The following CDK14 variants were observed in gnomAD, a reference collection of about 807,000 sequenced individuals.
CDK14 encodes the protein cyclin-dependent kinase 14.
A neutral mutation model predicts 60.7 loss-of-function variants in CDK14; 34 were observed. That is an observed-to-expected ratio of 0.56 (90% CI 0.43 to 0.75). The LOEUF (loss-of-function observed/expected upper bound fraction) is 0.75. CDK14 is among the 30% of genes least tolerant of loss of function. CDK14 has a pLI of 0.00. For synonymous variants in CDK14, 197 were observed against 203.7 expected (o/e 0.97, Z 0.28); for missense variants, 482 against 564.1 (o/e 0.85, Z 1.47).
At chr7:90,950,408 A>G (rs987830292) in intron 8 of CDK14, among the ~76,000 whole-genome samples, 1 of 152,180 alleles carries the variant, frequency 6.6e-6, no homozygotes, top group Non-Finnish European at 1.5e-5. Flanking sequence ...TAGATCATTT[A>G]TTGTCTATAT....
chr7:90,929,338 G>A (rs1793520591), intron 8 of CDK14, among the ~76,000 whole-genome samples: 1 of 152,086 alleles, frequency 6.6e-6, no homozygotes. Context: ...CGGCCATCTT[G>A]GAACCTCTGG....
intron 14 of CDK14, among the ~76,000 whole-genome samples, chr7:91,140,983 T>C (rs77202847): frequency 0.019 from 2,854 of 152,162 alleles, 81 homozygotes; most frequent in African/African-American, 0.063. Flanking sequence ...TACATAACCA[T>C]GACAGAAGGA....
intron 12 of CDK14, among the ~76,000 whole-genome samples, chr7:91,096,065 CAAAAAA>C (rs112016367): frequency 3.9e-4 from 25 of 64,552 alleles, no homozygotes; most frequent in East Asian, 1.1e-3. Flanking sequence ...CACAATTTGC[CAAAAAA>C]AAAAAAAAAA....
intron 3 of CDK14, among the ~76,000 whole-genome samples, chr7:90,734,425 C>T (rs939868121): frequency 2.0e-5 from 3 of 152,172 alleles, no homozygotes; most frequent in African/African-American, 7.2e-5. Flanking sequence ...GTTCTATTCT[C>T]CCCGTCACTT....
chr7:90,774,916 A>C (rs943392010), intron 4 of CDK14, among the ~76,000 whole-genome samples: 1 of 152,210 alleles, frequency 6.6e-6, no homozygotes, highest in Admixed American at 6.5e-5. Context: ...TGAATGCGAC[A>C]TGCAAAATCT....
intron 6 of CDK14, among the ~76,000 whole-genome samples, chr7:90,872,756 C>T (rs1791414088): frequency 6.6e-6 from 1 of 152,154 alleles, no homozygotes; most frequent in South Asian, 2.1e-4. Context: ...GTATTTAATT[C>T]ACATGGTCTA....
At chr7:90,882,844 T>C (rs1045419866) in intron 6 of CDK14, among the ~76,000 whole-genome samples, 27 of 152,182 alleles carry the variant, frequency 1.8e-4, no homozygotes, top group African/African-American at 6.5e-4. Context: ...GAATGACTCC[T>C]GGGTAAATAA....
intron 14 of CDK14, among the ~76,000 whole-genome samples, chr7:91,119,318 A>G (rs188695023): frequency 9.2e-5 from 14 of 152,092 alleles, no homozygotes; most frequent in Admixed American, 6.5e-4. Context: ...GTATCTCTAC[A>G]AAAAATACAA....
At chr7:90,622,106 C>T (rs1015743423) in intron 2 of CDK14, among the ~76,000 whole-genome samples, 1 of 152,202 alleles carries the variant, frequency 6.6e-6, no homozygotes, top group Non-Finnish European at 1.5e-5. Context: ...AATTGAGAAA[C>T]GAAGTACAAT....
chr7:90,870,534 CTTAGGG>C (rs1474646235), intron 6 of CDK14, among the ~76,000 whole-genome samples: 1 of 152,200 alleles, frequency 6.6e-6, no homozygotes, highest in Non-Finnish European at 1.5e-5. Flanking sequence ...CCTTTCCCAA[CTTAGGG>C]AATACATTCG....
intron 12 of CDK14, among the ~76,000 whole-genome samples, chr7:91,092,361 G>A (rs1319970547): frequency 6.6e-6 from 1 of 152,070 alleles, no homozygotes; most frequent in Non-Finnish European, 1.5e-5. Flanking sequence ...GGGTCTGCTG[G>A]GAGTCATACT....
chr7:90,764,225 G>A (rs1266549530), intron 4 of CDK14, among the ~76,000 whole-genome samples: 1 of 152,138 alleles, frequency 6.6e-6, no homozygotes, highest in Non-Finnish European at 1.5e-5. Flanking sequence ...AGAAAGGTCT[G>A]GCAATTAGAC....
Position 90,920,504 on chromosome 7 carries a change from G to A in CDK14, c.826+2780G>A, listed in dbSNP as rs200588622. On this transcript the variant is annotated intron_variant, in intron 8 of 14. Coordinates refer to ENST00000380050, the MANE Select transcript of CDK14 (RefSeq NM_001287135.2). ...TATACTAACCTGTATTTTTGAGAGA[G>A]ATGAGATTCAGAGAGGGTTAGAATC... Among the ~76,000 whole-genome samples the A allele has an allele frequency of 8.5e-5, 13 of 152,290 alleles. No individual in the cohort carries two copies. The East Asian group carries it at 2.5e-3, about 29-fold the overall frequency.
chr7:90,625,898 G>C (rs1239275979), intron 2 of CDK14, among the ~76,000 whole-genome samples: 1 of 152,210 alleles, frequency 6.6e-6, no homozygotes, highest in Admixed American at 6.5e-5. Flanking sequence ...TCCATTATTG[G>C]AGATGTTTTA....
chr7:90,636,684 G>C (rs2116423186), intron 2 of CDK14, among the ~76,000 whole-genome samples: 1 of 152,180 alleles, frequency 6.6e-6, no homozygotes, highest in South Asian at 2.1e-4. Flanking sequence ...TTTTTCTGTT[G>C]ATTGGAATAG....
chr7:90,661,267 T>C (rs1800860468), intron 2 of CDK14, among the ~76,000 whole-genome samples: 1 of 152,206 alleles, frequency 6.6e-6, no homozygotes, highest in Non-Finnish European at 1.5e-5. Context: ...TTGCTGCCCT[T>C]TTTTCTAGCT....
chr7:90,617,018 C>T (rs1799664567), intron 2 of CDK14, among the ~76,000 whole-genome samples: 1 of 151,812 alleles, frequency 6.6e-6, no homozygotes, highest in Non-Finnish European at 1.5e-5. Flanking sequence ...ATCACAATTA[C>T]ATGTGTTTCA....
chr7:90,875,513 C>G (rs1302452960), intron 6 of CDK14, among the ~76,000 whole-genome samples: 1 of 151,742 alleles, frequency 6.6e-6, no homozygotes, highest in Non-Finnish European at 1.5e-5. Flanking sequence ...CTTGGCAACA[C>G]TTGTTATTTT....
At chr7:90,686,420 A>C (rs1432557510) in intron 2 of CDK14, among the ~76,000 whole-genome samples, 1 of 152,146 alleles carries the variant, frequency 6.6e-6, no homozygotes, top group Non-Finnish European at 1.5e-5. Context: ...TTTTGATGAA[A>C]ATGTCAGCCA....
Sources: gnomAD v4.1 joint callset for allele counts (sites outside exome capture counted in the v4.1 genomes callset) on GRCh38, gnomAD v4.1.1 for gene constraint, MANE v1.5 for transcripts, NCBI Gene and HGNC (gene_info 2026-07-23, HGNC 2026-07-21) for gene names.